Variants in DCC observed in about 807,000 individuals in gnomAD.
DCC encodes the protein DCC netrin 1 receptor.
In DCC, 58 loss-of-function variants were observed where a neutral mutation model predicts 172.5. The ratio of observed to expected loss-of-function variants is 0.34; its 90% CI spans 0.27 to 0.42. The LOEUF (loss-of-function observed/expected upper bound fraction) is 0.42. Ranked by LOEUF, DCC falls within the 10% of genes least tolerant of loss-of-function variation. The probability of loss-of-function intolerance (pLI) is 1.00; values close to 1 mark genes in which losing one functional copy is unlikely to be tolerated. For synonymous variants in DCC, 709 were observed against 644.5 expected, an observed-to-expected ratio of 1.10 and a Z score of -1.52; for missense variants, 1,740 against 1,791.0, an observed-to-expected ratio of 0.97 and a Z score of 0.51.
chr18:52,553,796 A>T (rs1327492256), intron 1 of DCC, among the ~76,000 whole-genome samples: 1 of 152,072 alleles, frequency 6.6e-6, no homozygotes, highest in Non-Finnish European at 1.5e-5. Context: ...ACCAGATGTG[A>T]AAGCCATTTC....
At chr18:52,881,482 A>C (rs891207909) in intron 2 of DCC, among the ~76,000 whole-genome samples, 31 of 152,196 alleles carry the variant, frequency 2.0e-4, no homozygotes, top group Non-Finnish European at 4.1e-4. Flanking sequence ...TCATAGATTG[A>C]AGTCTTACAT....
At chr18:52,368,320 T>C (rs1984966839) in intron 1 of DCC, among the ~76,000 whole-genome samples, 1 of 152,224 alleles carries the variant, frequency 6.6e-6, no homozygotes, top group Non-Finnish European at 1.5e-5. Flanking sequence ...CTATTTCTTT[T>C]AGAATTGGTA....
intron 1 of DCC, among the ~76,000 whole-genome samples, chr18:52,743,470 T>A (rs765011371): frequency 2.6e-5 from 4 of 152,150 alleles, no homozygotes; most frequent in Admixed American, 6.5e-5. Flanking sequence ...GAAAAAAAAT[T>A]TCATTACAAT....
At chr18:52,731,176 C>A (rs1407515630) in intron 1 of DCC, among the ~76,000 whole-genome samples, 1 of 152,168 alleles carries the variant, frequency 6.6e-6, no homozygotes, top group Non-Finnish European at 1.5e-5. Flanking sequence ...TTGATTGAAG[C>A]GCTTTGCTTG....
intron 5 of DCC, among the ~76,000 whole-genome samples, chr18:52,964,695 G>T (rs75723989): frequency 0.035 from 5,345 of 152,036 alleles, 132 homozygotes; most frequent in Non-Finnish European, 0.053. Context: ...ATGTCTACTA[G>T]TTTCCTATTA....
At chr18:52,464,498 T>C (rs1355803181) in intron 1 of DCC, among the ~76,000 whole-genome samples, 1 of 152,182 alleles carries the variant, frequency 6.6e-6, no homozygotes, top group African/African-American at 2.4e-5. Context: ...TAAGGATTGG[T>C]GACTTTCCCA....
At chr18:53,144,075 CTG>C (rs557671850) in intron 7 of DCC, among the ~76,000 whole-genome samples, 51 of 152,300 alleles carry the variant, frequency 3.3e-4, no homozygotes, top group Non-Finnish European at 6.5e-4. Flanking sequence ...TCTTTTCTAA[CTG>C]TAGCTTACTT....
chr18:53,239,996 T>A (rs923269688), intron 12 of DCC, among the ~76,000 whole-genome samples: 3 of 131,724 alleles, frequency 2.3e-5, no homozygotes, highest in African/African-American at 9.0e-5. Context: ...TAAAAAAACA[T>A]TTAGACATTC....
chr18:53,133,964 A>G (rs2043698614), intron 7 of DCC, among the ~76,000 whole-genome samples: 1 of 152,166 alleles, frequency 6.6e-6, no homozygotes, highest in Non-Finnish European at 1.5e-5. Context: ...GAGACCATGA[A>G]TTTTATTGGA....
At chr18:53,402,710 T>G in intron 18 of DCC, 76 bp from the exon 19 acceptor site, 1 of 1,052,704 alleles carries the variant, frequency 9.5e-7, no homozygotes, top group South Asian at 1.3e-5. Flanking sequence ...AATGTCAACA[T>G]CATGATGAAA....
intron 1 of DCC, among the ~76,000 whole-genome samples, chr18:52,413,069 A>G (rs548238711): frequency 6.6e-6 from 1 of 152,096 alleles, no homozygotes; most frequent in African/African-American, 2.4e-5. Context: ...TGTCTTCAGT[A>G]GGCCTTAGCA....
chr18:53,337,312 G>T (rs528650913), intron 14 of DCC, among the ~76,000 whole-genome samples: 1 of 152,112 alleles, frequency 6.6e-6, no homozygotes, highest in African/African-American at 2.4e-5. Context: ...CTTAGTGTAC[G>T]ATTAGGCAGA....
At chr18:52,626,520 A>G (rs993267432) in intron 1 of DCC, among the ~76,000 whole-genome samples, 1 of 152,046 alleles carries the variant, frequency 6.6e-6, no homozygotes, top group Non-Finnish European at 1.5e-5. Flanking sequence ...TAAAACCTCA[A>G]TTAGGTTGTC....
At chr18:52,908,670 C>G (rs17389658) in intron 3 of DCC, among the ~76,000 whole-genome samples, 3,171 of 152,214 alleles carry the variant, frequency 0.021, 57 homozygotes, top group Admixed American at 0.039. Context: ...CTTCACCTTG[C>G]AACAGCCATT....
chr18:52,743,722 G>A (rs1342955919), intron 1 of DCC, among the ~76,000 whole-genome samples: 3 of 152,180 alleles, frequency 2.0e-5, no homozygotes, highest in Admixed American at 6.5e-5. Context: ...TCGGAATGTC[G>A]GATGTGGAGC....
intron 24 of DCC, among the ~76,000 whole-genome samples, chr18:53,464,058 G>A (rs907730955): frequency 6.6e-6 from 1 of 152,172 alleles, no homozygotes; most frequent in Non-Finnish European, 1.5e-5. Flanking sequence ...GAATTAAGAT[G>A]ATAAGTTATT....
At chr18:52,952,531 G>C (rs1358443509) in intron 5 of DCC, among the ~76,000 whole-genome samples, 1 of 152,074 alleles carries the variant, frequency 6.6e-6, no homozygotes, top group East Asian at 1.9e-4. Flanking sequence ...AGTTAGAAAG[G>C]CCATACCAAT....
chr18:53,201,285 G>A (rs574643159), intron 9 of DCC, among the ~76,000 whole-genome samples: 5 of 152,258 alleles, frequency 3.3e-5, no homozygotes, highest in Admixed American at 1.3e-4. Context: ...CCCAGATTGA[G>A]CCATGTTCAC....
intron 1 of DCC, among the ~76,000 whole-genome samples, chr18:52,715,295 C>CTTTTTTTTTTTT (rs10658253): frequency 2.8e-5 from 4 of 144,770 alleles, no homozygotes; most frequent in East Asian, 2.0e-4. Context: ...TTTTTCTTTT[C>CTTTTTTTTTTTT]TTTTTTTTTT....
Sources: allele counts gnomAD v4.1 joint callset (sites outside exome capture counted in the v4.1 genomes callset), GRCh38; gene constraint gnomAD v4.1.1; transcripts MANE v1.5; gene names NCBI Gene and HGNC (gene_info 2026-07-23, HGNC 2026-07-21).